Variants in SPAG16 observed in about 807,000 individuals in gnomAD.
SPAG16 encodes sperm-associated antigen 16 protein.
A neutral mutation model predicts 80.4 loss-of-function variants in SPAG16; 86 were observed. The observed-to-expected ratio is 1.07, with a 90% CI of 0.90 to 1.28. The LOEUF (loss-of-function observed/expected upper bound fraction) is 1.28, where lower values mean the gene tolerates loss of function less well. Among genes scored for constraint, SPAG16 ranks in the 50% most tolerant of loss-of-function variants. The probability of loss-of-function intolerance (pLI) is 0.00; values close to 1 mark genes in which losing one functional copy is unlikely to be tolerated. For synonymous variants in SPAG16, 294 were observed against 265.9 expected, an observed-to-expected ratio of 1.11 and a Z score of -1.03; for missense variants, 870 against 765.3, an observed-to-expected ratio of 1.14 and a Z score of -1.61.
At chr2:213,830,653 T>A (rs1308420860) in intron 10 of SPAG16, among the ~76,000 whole-genome samples, 1 of 152,162 alleles carries the variant, frequency 6.6e-6, no homozygotes, top group Non-Finnish European at 1.5e-5. Context: ...TGTGAAAAAT[T>A]ATGAGTTAAT....
At chr2:213,682,646 G>T (rs892772870) in intron 10 of SPAG16, among the ~76,000 whole-genome samples, 1 of 152,130 alleles carries the variant, frequency 6.6e-6, no homozygotes, top group Non-Finnish European at 1.5e-5. Flanking sequence ...CATGTCTCTG[G>T]ACAGAGGGTA....
At chr2:214,089,582 G>A (rs1022371564) in intron 13 of SPAG16, among the ~76,000 whole-genome samples, 1 of 151,708 alleles carries the variant, frequency 6.6e-6, no homozygotes, top group Non-Finnish European at 1.5e-5. Context: ...TCTCACCGAT[G>A]ATCTACAAAT....
intron 10 of SPAG16, among the ~76,000 whole-genome samples, chr2:213,527,154 G>A (rs1313246735): frequency 6.6e-6 from 1 of 152,152 alleles, no homozygotes; most frequent in East Asian, 1.9e-4. Context: ...GTGTAGTTTA[G>A]GGAAGGAGAT....
At chr2:213,945,297 A>G (rs538866695) in intron 12 of SPAG16, among the ~76,000 whole-genome samples, 1 of 148,054 alleles carries the variant, frequency 6.8e-6, no homozygotes, top group Admixed American at 6.8e-5. Flanking sequence ...ACACATATAT[A>G]TACACAAGTA....
intron 10 of SPAG16, among the ~76,000 whole-genome samples, chr2:213,621,521 A>G (rs535299996): frequency 1.3e-5 from 2 of 152,274 alleles, no homozygotes; most frequent in African/African-American, 4.8e-5. Context: ...GAGGCGAAAT[A>G]TTGATGGATG....
intron 10 of SPAG16, among the ~76,000 whole-genome samples, chr2:213,645,316 G>A (rs2062780459): frequency 6.6e-6 from 1 of 152,036 alleles, no homozygotes; most frequent in South Asian, 2.1e-4. Flanking sequence ...TGGAATTAGG[G>A]ACCCCAAGAG....
chr2:213,590,446 GAA>G (rs112750165), intron 10 of SPAG16, among the ~76,000 whole-genome samples: 5 of 123,808 alleles, frequency 4.0e-5, no homozygotes, highest in Admixed American at 1.7e-4. Flanking sequence ...AAAACAACAA[GAA>G]AAAAAAAAAA....
At chr2:213,562,781 G>T (rs781313725) in intron 10 of SPAG16, among the ~76,000 whole-genome samples, 1 of 150,330 alleles carries the variant, frequency 6.7e-6, no homozygotes, top group Non-Finnish European at 1.5e-5. Context: ...TTTTCTCTCT[G>T]TACTCATGTG....
chr2:213,626,837 G>A (rs993816544), intron 10 of SPAG16, among the ~76,000 whole-genome samples: 6 of 151,692 alleles, frequency 4.0e-5, no homozygotes, highest in Admixed American at 6.6e-5. Flanking sequence ...TAATAGAGAC[G>A]GTGTTTCACC....
At chr2:214,047,887 T>C (rs2049422358) in intron 13 of SPAG16, among the ~76,000 whole-genome samples, 1 of 152,114 alleles carries the variant, frequency 6.6e-6, no homozygotes, top group Admixed American at 6.6e-5. Flanking sequence ...AATACCTGAA[T>C]AGACATTTCT....
intron 12 of SPAG16, among the ~76,000 whole-genome samples, chr2:213,949,511 G>T (rs2079642380): frequency 6.6e-6 from 1 of 152,000 alleles, no homozygotes; most frequent in South Asian, 2.1e-4. Flanking sequence ...ATCCAACATG[G>T]CTAATCTCTA....
At chr2:213,942,554 G>A (rs1338080508) in intron 12 of SPAG16, among the ~76,000 whole-genome samples, 2 of 152,078 alleles carry the variant, frequency 1.3e-5, no homozygotes, top group South Asian at 2.1e-4. Flanking sequence ...GACTTACCTG[G>A]AGCTGGGTAG....
chr2:214,231,926 T>G (rs909976258), intron 15 of SPAG16, among the ~76,000 whole-genome samples: 15 of 152,102 alleles, frequency 9.9e-5, no homozygotes, highest in Non-Finnish European at 1.9e-4. Flanking sequence ...ATATGCAGTT[T>G]TATCCAAATA....
At chr2:213,772,986 A>T (rs1013521400) in intron 10 of SPAG16, among the ~76,000 whole-genome samples, 1 of 151,248 alleles carries the variant, frequency 6.6e-6, no homozygotes, top group African/African-American at 2.4e-5. Flanking sequence ...TATTTTACTT[A>T]TTCTTTTTTT....
intron 15 of SPAG16, among the ~76,000 whole-genome samples, chr2:214,176,102 T>C (rs1190275203): frequency 6.6e-6 from 1 of 151,496 alleles, no homozygotes; most frequent in Admixed American, 6.6e-5. Context: ...TCTTTTAATG[T>C]ATGGATACCT....
intron 14 of SPAG16, among the ~76,000 whole-genome samples, chr2:214,126,875 A>G (rs1193553881): frequency 2.0e-5 from 3 of 151,844 alleles, no homozygotes; most frequent in Admixed American, 1.3e-4. Context: ...TAAAACATAC[A>G]TATATATTTT....
At chr2:214,366,780 A>G (rs1699507603) in intron 15 of SPAG16, among the ~76,000 whole-genome samples, 1 of 152,178 alleles carries the variant, frequency 6.6e-6, no homozygotes, top group Admixed American at 6.6e-5. Flanking sequence ...TTAAATGCCC[A>G]GTGCTTCAGC....
intron 10 of SPAG16, among the ~76,000 whole-genome samples, chr2:213,773,761 C>G (rs190446618): frequency 6.6e-6 from 1 of 151,880 alleles, no homozygotes; most frequent in Non-Finnish European, 1.5e-5. Context: ...ACCATCTTGG[C>G]CAGGCTGGTC....
rs770793921 is a variant in SPAG16, at chr2:214,013,961, A to G, written c.1411A>G (p.Arg471Gly). ...KIWDVNSERCRCTLYGHTDSV... is the reference protein window; with the variant it reads ...KIWDVNSERCGCTLYGHTDSV... Reference sequence around the variant, plus strand: ...TTTCTCTCTTTATAGTGAAAGATGCAGATGTACTTTGTATGGACATACAGA... The same window carrying G: ...TTTCTCTCTTTATAGTGAAAGATGCGGATGTACTTTGTATGGACATACAGA... Residue 471 changes from arginine (R) to glycine (G), a missense_variant, in exon 13 of 16, where the codon AGA becomes GGA. Transcript: ENST00000331683. 1.9e-6 allele frequency: 3 copies of G among 1,613,238 alleles called. No homozygotes were observed. The South Asian group carries it at 3.3e-5, about 18-fold the overall frequency.
Sources: gnomAD v4.1 joint callset for allele counts (sites outside exome capture counted in the v4.1 genomes callset) on GRCh38, gnomAD v4.1.1 for gene constraint, MANE v1.5 for transcripts, NCBI Gene and HGNC (gene_info 2026-07-23, HGNC 2026-07-21) for gene names.